The following FAM169A variants were observed in gnomAD, a reference collection of about 807,000 sequenced individuals.
The protein encoded by FAM169A is soluble lamin-associated protein of 75 kDa.
FAM169A carries 24 observed loss-of-function variants against 75.7 expected under a neutral mutation model. That is an observed-to-expected ratio of 0.32 (90% CI 0.23 to 0.45). The LOEUF is 0.45. Ranked by LOEUF, FAM169A falls within the 20% of genes least tolerant of loss-of-function variation. The pLI is 1.00. For synonymous variants in FAM169A, 271 were observed against 271.0 expected (o/e 1.00, Z 0.00); for missense variants, 673 against 784.0 (o/e 0.86, Z 1.69).
intron 5 of FAM169A, among the ~76,000 whole-genome samples, chr5:74,831,450 T>C (rs186141286): frequency 2.6e-5 from 4 of 152,198 alleles, no homozygotes; most frequent in Admixed American, 6.5e-5. Context: ...TGAAAAAGAA[T>C]AGAGAGTAAC....
At chr5:74,855,414 T>C (rs1298350240) in intron 1 of FAM169A, among the ~76,000 whole-genome samples, 1 of 152,162 alleles carries the variant, frequency 6.6e-6, no homozygotes, top group Non-Finnish European at 1.5e-5. Context: ...CCCAGGCTGG[T>C]CTCGAATTCC....
intron 6 of FAM169A, among the ~76,000 whole-genome samples, chr5:74,810,538 G>A (rs1046402116): frequency 1.1e-4 from 17 of 151,816 alleles, no homozygotes; most frequent in African/African-American, 2.7e-4. Flanking sequence ...TCACGAGGTC[G>A]GGAGATCGAG....
At chr5:74,803,233 T>G (rs1746679835) in intron 8 of FAM169A, among the ~76,000 whole-genome samples, 1 of 152,130 alleles carries the variant, frequency 6.6e-6, no homozygotes, top group Non-Finnish European at 1.5e-5. Flanking sequence ...TCGTTACATT[T>G]ATAGGAAGAG....
chr5:74,810,882 C>T (rs1747155805), intron 6 of FAM169A, among the ~76,000 whole-genome samples: 1 of 135,230 alleles, frequency 7.4e-6, no homozygotes, highest in Non-Finnish European at 1.5e-5. Context: ...AGTGCAGTGG[C>T]TCACTACAGC....
chr5:74,810,188 C>G (rs1472454337), intron 6 of FAM169A, among the ~76,000 whole-genome samples: 1 of 152,036 alleles, frequency 6.6e-6, no homozygotes, highest in Non-Finnish European at 1.5e-5. Flanking sequence ...CAATGAGCCT[C>G]AAAAATAAGA....
At chr5:74,793,714 C>T (rs1445471843) in intron 11 of FAM169A, among the ~76,000 whole-genome samples, 1 of 152,040 alleles carries the variant, frequency 6.6e-6, no homozygotes, top group Non-Finnish European at 1.5e-5. Context: ...TGAAATATTA[C>T]AAAAATAGGC....
At chr5:74,828,416 G>C (rs947963193) in intron 5 of FAM169A, among the ~76,000 whole-genome samples, 2 of 152,084 alleles carry the variant, frequency 1.3e-5, no homozygotes, top group African/African-American at 4.8e-5. Context: ...AAGGTTAGAT[G>C]AAAGATATAC....
intron 1 of FAM169A, among the ~76,000 whole-genome samples, chr5:74,860,933 T>G (rs1580179092): frequency 6.6e-6 from 1 of 151,698 alleles, no homozygotes; most frequent in East Asian, 1.9e-4. Context: ...GTCAGGAGTT[T>G]GAGACCAGCC....
At chr5:74,799,286 C>T (rs2112521107) in intron 10 of FAM169A, 1 of 1,562,630 alleles carries the variant, frequency 6.4e-7, no homozygotes, top group Non-Finnish European at 8.8e-7. Context: ...ATTAATCGCA[C>T]AGCTACTTTT....
At chr5:74,818,958 G>A (rs542823686) in intron 5 of FAM169A, among the ~76,000 whole-genome samples, 3 of 152,250 alleles carry the variant, frequency 2.0e-5, no homozygotes, top group South Asian at 2.1e-4. Flanking sequence ...GGAGGCTCAC[G>A]CCTGTAACCT....
intron 5 of FAM169A, among the ~76,000 whole-genome samples, chr5:74,819,955 T>C (rs1263608830): frequency 6.6e-6 from 1 of 151,590 alleles, no homozygotes; most frequent in Non-Finnish European, 1.5e-5. Flanking sequence ...AATGGTTTCA[T>C]AATTCTGTGA....
chr5:74,795,288 A>G (rs1746212275), intron 11 of FAM169A, among the ~76,000 whole-genome samples: 1 of 152,168 alleles, frequency 6.6e-6, no homozygotes, highest in South Asian at 2.1e-4. Context: ...AATTGGTAAT[A>G]TAATTTCACT....
At chr5:74,784,370 C>T (rs1455449389) in intron 11 of FAM169A, among the ~76,000 whole-genome samples, 16 of 151,772 alleles carry the variant, frequency 1.1e-4, no homozygotes, top group African/African-American at 3.9e-4. Context: ...ATTAGCCAGG[C>T]ATGGCGGCAC....
rs369250258 is a variant in FAM169A, at chr5:74,781,515, C to T, written c.1958G>A (p.Arg653Lys). 1 of 1,614,202 alleles carries T rather than the reference C, an allele frequency of 6.2e-7. No homozygotes were observed. Residue 653 changes from arginine to lysine, a missense_variant, in exon 13 of 13, where the codon AGA becomes AAA. This residue lies in a region of FAM169A where 510 missense variants were observed against 550.9 expected (regional missense o/e 0.93). Transcript: ENST00000687041. ...TCCTTTATGCCCTTTGGCCTTTCTT[C>T]TTAAATTCCGCCTGTCTACCACAGG... Reference protein sequence around the residue: ...EVPVVDRRNLRRKAKGHKGPA... With the variant: ...EVPVVDRRNLKRKAKGHKGPA...
In FAM169A at chr5:74,779,707, G is replaced by A. The variant is rs1354333421; in HGVS notation, c.*1753C>T. On this transcript the variant is annotated 3_prime_UTR_variant, in exon 13 of 13. Transcript: ENST00000687041. ...TTTTCATTTAGAATGAAATAATCTG[G>A]CTTACCTTTGACTAATTAAAGAAAA... The A allele has an allele frequency of 2.0e-5, 3 of 151,826 alleles. No homozygotes were observed. The highest frequency in any genetic ancestry group is 4.4e-5 in the Non-Finnish European group (3 of 67,936). 9.4% of individuals were successfully genotyped at this position (151,826 alleles called of 1,614,324 possible).
chr5:74,846,492 T>C (rs927153523), intron 1 of FAM169A, among the ~76,000 whole-genome samples: 1 of 152,244 alleles, frequency 6.6e-6, no homozygotes, highest in East Asian at 1.9e-4. Flanking sequence ...TATGATACTA[T>C]GGTTCTTAGA....
intron 5 of FAM169A, among the ~76,000 whole-genome samples, chr5:74,823,206 C>G (rs1227208064): frequency 6.6e-6 from 1 of 152,124 alleles, no homozygotes; most frequent in African/African-American, 2.4e-5. Flanking sequence ...TGCAATGGGA[C>G]CTCCATCTTC....
At chr5:74,801,452 C>A in intron 9 of FAM169A, 138 bp downstream of exon 9, 1 of 720,876 alleles carries the variant, frequency 1.4e-6, no homozygotes, top group East Asian at 2.6e-5. Context: ...CATGAGAACC[C>A]AGATCTAGAT....
chr5:74,860,057 AT>A (rs1233762759), intron 1 of FAM169A, among the ~76,000 whole-genome samples: 9 of 152,158 alleles, frequency 5.9e-5, no homozygotes, highest in Non-Finnish European at 1.3e-4. Context: ...ACATTTTGAG[AT>A]AAATTCTGTA....
Sources: allele counts gnomAD v4.1 joint callset (sites outside exome capture counted in the v4.1 genomes callset), GRCh38; gene constraint gnomAD v4.1.1; regional missense constraint gnomAD v4.1.1; transcripts MANE v1.5; gene names NCBI Gene and HGNC (gene_info 2026-07-23, HGNC 2026-07-21).